The following KAZN variants were observed in gnomAD, a reference collection of about 807,000 sequenced individuals.
KAZN encodes the protein kazrin, periplakin interacting protein.
A neutral mutation model predicts 87.4 loss-of-function variants in KAZN; 40 were observed. The observed-to-expected ratio is 0.46, with a 90% CI of 0.36 to 0.60. KAZN has a LOEUF of 0.60. KAZN is among the 20% of genes least tolerant of loss of function. KAZN has a pLI of 0.00. For missense variants in KAZN, 898 were observed against 1,073.9 expected (o/e 0.84, Z 2.29); for synonymous variants, 466 against 458.3 (o/e 1.02, Z -0.22).
intron 1 of KAZN, among the ~76,000 whole-genome samples, chr1:14,045,025 A>T (rs568725664): frequency 1.3e-5 from 2 of 152,248 alleles, no homozygotes; most frequent in South Asian, 4.1e-4. Context: ...GTCGTAGAGG[A>T]TGAGATGCAA....
intron 1 of KAZN, among the ~76,000 whole-genome samples, chr1:14,064,568 C>A (rs1284209595): frequency 6.6e-6 from 1 of 151,522 alleles, no homozygotes; most frequent in Non-Finnish European, 1.5e-5. Context: ...TGTAAGGAAG[C>A]GTTTTTTGAT....
chr1:14,282,514 G>A (rs1652913613), intron 2 of KAZN, among the ~76,000 whole-genome samples: 1 of 152,152 alleles, frequency 6.6e-6, no homozygotes, highest in Admixed American at 6.5e-5. Context: ...GGGATTCGGG[G>A]CCAATGATTC....
At chr1:14,626,387 C>T (rs768257901) in intron 1 of KAZN, among the ~76,000 whole-genome samples, 5 of 152,228 alleles carry the variant, frequency 3.3e-5, no homozygotes, top group Non-Finnish European at 5.9e-5. Context: ...CCTTTGCACT[C>T]CAGCAGAAAC....
At chr1:15,095,260 C>T (rs1040679514) in intron 10 of KAZN, among the ~76,000 whole-genome samples, 4 of 152,138 alleles carry the variant, frequency 2.6e-5, no homozygotes, top group African/African-American at 4.8e-5. Context: ...CAGCTCTGCA[C>T]ACTGGGCCGC....
intron 2 of KAZN, among the ~76,000 whole-genome samples, chr1:14,993,618 C>T (rs1349519657): frequency 6.6e-6 from 1 of 152,200 alleles, no homozygotes; most frequent in East Asian, 1.9e-4. Context: ...CGCCGCCACC[C>T]CCCTGCTGCC....
intron 1 of KAZN, among the ~76,000 whole-genome samples, chr1:14,061,663 A>G (rs1159075311): frequency 6.6e-6 from 1 of 152,206 alleles, no homozygotes; most frequent in African/African-American, 2.4e-5. Flanking sequence ...AGAAAATTCC[A>G]CAGTGGCAGG....
chr1:14,828,783 T>C (rs1646971131), intron 1 of KAZN, among the ~76,000 whole-genome samples: 1 of 152,170 alleles, frequency 6.6e-6, no homozygotes, highest in Admixed American at 6.6e-5. Context: ...CCAGTCTCTT[T>C]CCATCTTTCC....
At chr1:14,803,599 C>A (rs775639848) in intron 1 of KAZN, among the ~76,000 whole-genome samples, 1 of 152,220 alleles carries the variant, frequency 6.6e-6, no homozygotes, top group Non-Finnish European at 1.5e-5. Flanking sequence ...ATGAATGATG[C>A]CCCAGCTCCG....
chr1:15,078,416 AAAAT>A (rs1639853989), intron 8 of KAZN, among the ~76,000 whole-genome samples: 1 of 152,158 alleles, frequency 6.6e-6, no homozygotes, highest in South Asian at 2.1e-4. Context: ...AAAAAAATAA[AAAAT>A]AAAGTGATGG....
intron 1 of KAZN, among the ~76,000 whole-genome samples, chr1:14,028,181 T>G (rs1414363328): frequency 8.1e-6 from 1 of 123,498 alleles, no homozygotes; most frequent in Non-Finnish European, 1.7e-5. Flanking sequence ...CAGCTCTTTA[T>G]TTATGGTAAA....
intron 1 of KAZN, among the ~76,000 whole-genome samples, chr1:14,672,074 T>C (rs1188765721): frequency 6.6e-6 from 1 of 152,224 alleles, no homozygotes. Context: ...CCTTATTTTT[T>C]TTTTCTTTTG....
chr1:14,967,313 GTC>G (rs1335616436), intron 2 of KAZN, among the ~76,000 whole-genome samples: 1 of 152,024 alleles, frequency 6.6e-6, no homozygotes, highest in African/African-American at 2.4e-5. Flanking sequence ...TCCCCTCAAG[GTC>G]TCTGCATTTG....
intron 3 of KAZN, among the ~76,000 whole-genome samples, chr1:15,038,914 T>C (rs574556850): frequency 4.7e-5 from 7 of 149,860 alleles, no homozygotes; most frequent in South Asian, 2.1e-4. Flanking sequence ...CAGTAGCAGA[T>C]GTTTATTGTG....
At position 14,016,029 on chromosome 1, in the gene KAZN, C is replaced by T. The variant is rs72640588; in HGVS notation, c.91+122273C>T. Among the ~76,000 whole-genome samples the T allele has an allele frequency of 3.0e-3, 459 of 152,122 alleles. 2 individuals are homozygous for T. Among genetic ancestry groups the T allele is most frequent in the Non-Finnish European group, 4.2e-3 (284 of 67,992 alleles). ...ACACAAGGGCAACAGGCACTCAAAACGGAAAGCTCTATGTCTCTTTAAGAA... is the reference window on the plus strand; with the variant it reads ...ACACAAGGGCAACAGGCACTCAAAATGGAAAGCTCTATGTCTCTTTAAGAA... On this transcript the variant is annotated intron_variant, in intron 1 of 16. Coordinates refer to the KAZN transcript ENST00000636203.
chr1:15,068,180 T>C (rs1639345931), intron 8 of KAZN: 2 of 806,938 alleles, frequency 2.5e-6, no homozygotes, highest in South Asian at 1.1e-4. Flanking sequence ...TGATTGCTTC[T>C]ATTTGGCTCC....
At chr1:14,284,353 C>CT (rs1653077445) in intron 2 of KAZN, among the ~76,000 whole-genome samples, 1 of 152,096 alleles carries the variant, frequency 6.6e-6, no homozygotes, top group Admixed American at 6.5e-5. Flanking sequence ...TTGCTGAGGA[C>CT]TAAGTGGCAG....
intron 1 of KAZN, among the ~76,000 whole-genome samples, chr1:13,917,915 A>G (rs1186428068): frequency 4.6e-5 from 7 of 152,088 alleles, no homozygotes; most frequent in African/African-American, 1.7e-4. Flanking sequence ...TTTACTGAAT[A>G]TTTTAAGCCC....
intron 1 of KAZN, among the ~76,000 whole-genome samples, chr1:14,006,087 T>C (rs1268302182): frequency 6.6e-6 from 1 of 152,222 alleles, no homozygotes; most frequent in Non-Finnish European, 1.5e-5. Context: ...ACAAATATTT[T>C]CTCCCAATCT....
intron 2 of KAZN, among the ~76,000 whole-genome samples, chr1:14,586,797 C>T (rs1054115640): frequency 6.6e-6 from 1 of 152,078 alleles, no homozygotes; most frequent in Admixed American, 6.6e-5. Context: ...ACCTTGGCCT[C>T]TCAAAGTGCT....
Sources: gnomAD v4.1 joint callset for allele counts (sites outside exome capture counted in the v4.1 genomes callset) on GRCh38, gnomAD v4.1.1 for gene constraint, MANE v1.5 for transcripts, NCBI Gene and HGNC (gene_info 2026-07-23, HGNC 2026-07-21) for gene names.